ASB7: variants seen among roughly 807,000 people sequenced by gnomAD.
ASB7 encodes the protein ankyrin repeat and SOCS box containing 7.
In ASB7, 4 loss-of-function variants were observed where a neutral mutation model predicts 32.5. That is an observed-to-expected ratio of 0.12 (90% CI 0.06 to 0.28). The LOEUF (loss-of-function observed/expected upper bound fraction) is 0.28, where lower values mean the gene tolerates loss of function less well. Ranked by LOEUF, ASB7 falls within the 10% of genes least tolerant of loss-of-function variation. The probability of loss-of-function intolerance (pLI) is 1.00; values close to 1 mark genes in which losing one functional copy is unlikely to be tolerated. For missense variants in ASB7, 181 were observed against 407.1 expected (o/e 0.44, Z 4.78); for synonymous variants, 172 against 155.6 (o/e 1.11, Z -0.78).
rs749767312 is a variant in ASB7 at position 100,649,544 on chromosome 15, G to T, written c.*1082G>T. 1 of 152,046 alleles carries T rather than the reference G, an allele frequency of 6.6e-6. No individual in the cohort carries two copies. Among genetic ancestry groups the T allele is most frequent in the Non-Finnish European group, 1.5e-5 (1 of 68,006 alleles). 9.4% of individuals were successfully genotyped at this position (152,046 alleles called of 1,614,324 possible). A position where few individuals can be genotyped will look rare whatever the true frequency, so the allele number is the denominator to read the frequency against. Reference sequence around the variant, plus strand: ...AGTTTAAAAAAAAAACTTTTTAAGCGTAAAATCTTTAAGGGGTACACATTT... The same window carrying T: ...AGTTTAAAAAAAAAACTTTTTAAGCTTAAAATCTTTAAGGGGTACACATTT... On this transcript the variant is annotated 3_prime_UTR_variant, in exon 6 of 6. Transcript: ENST00000332783.
intron 4 of ASB7, among the ~76,000 whole-genome samples, chr15:100,620,911 C>G (rs2039786398): frequency 6.6e-6 from 1 of 152,136 alleles, no homozygotes; most frequent in Non-Finnish European, 1.5e-5. Flanking sequence ...TAAAGCAAAT[C>G]CCCAGAGGAA....
chr15:100,603,578 A>G (rs2039594920), intron 2 of ASB7, among the ~76,000 whole-genome samples: 2 of 152,094 alleles, frequency 1.3e-5, no homozygotes, highest in South Asian at 2.1e-4. Context: ...ACACTGTGCC[A>G]TTTACTCTGC....
chr15:100,614,452 C>T (rs1178833608), intron 4 of ASB7, among the ~76,000 whole-genome samples: 2 of 151,904 alleles, frequency 1.3e-5, no homozygotes, highest in Non-Finnish European at 2.9e-5. Flanking sequence ...CTGTAAAAGG[C>T]CAGATAGTAA....
At chr15:100,645,486 C>G (rs1265831123) in intron 5 of ASB7, 1 of 579,768 alleles carries the variant, frequency 1.7e-6, no homozygotes, top group African/African-American at 1.8e-5. Context: ...GGAAGGAGCC[C>G]TGTGTCTGTC....
intron 5 of ASB7, among the ~76,000 whole-genome samples, chr15:100,636,317 A>T (rs2039923130): frequency 1.3e-5 from 2 of 152,174 alleles, no homozygotes; most frequent in Admixed American, 1.3e-4. Flanking sequence ...AATGGGAGTG[A>T]TGATTTCCAA....
rs1196287445 is a variant in ASB7, at chr15:100,629,927, T to C, written c.702T>C (p.Tyr234=). 1.2e-6 allele frequency: 2 copies of C among 1,614,100 alleles called. No homozygotes were observed. The highest frequency in any genetic ancestry group is 1.7e-5 in the Admixed American group (1 of 60,012). ...ATGTGCTGTGTGCACGGATGTTATA[T>C]AATTACGGAGCAGACACGAACACAC... ...RDDVLCARML[Y]NYGADTNTRN... Residue 234 remains tyrosine (Y), a synonymous_variant, in exon 5 of 6, where the codon TAT becomes TAC. Coordinates refer to ENST00000332783, the MANE Select transcript of ASB7 (RefSeq NM_198243.3). This position sits in a 1 kb window ranked among gnomAD's most constrained non-coding sequence, Gnocchi z 6.8.
rs1174613297 is a variant in ASB7, at chr15:100,650,114, G to A, written c.*1652G>A. 1 of 152,282 alleles carries A rather than the reference G, an allele frequency of 6.6e-6. No individual in the cohort carries two copies. Among genetic ancestry groups the A allele is most frequent in the Non-Finnish European group, 1.5e-5 (1 of 68,110 alleles). 9.4% of individuals were successfully genotyped at this position (152,282 alleles called of 1,614,324 possible). A position where few individuals can be genotyped will look rare whatever the true frequency, so the allele number is the denominator to read the frequency against. ...CGAAGACGGGCAGCTTCAGAGAAGAGGATTATTCGGGAGATTGCTGGTGTG... is the reference window on the plus strand; with the variant it reads ...CGAAGACGGGCAGCTTCAGAGAAGAAGATTATTCGGGAGATTGCTGGTGTG... On this transcript the variant is annotated 3_prime_UTR_variant, in exon 6 of 6. Transcript: ENST00000332783.
intron 4 of ASB7, among the ~76,000 whole-genome samples, chr15:100,619,599 G>A (rs781698201): frequency 1.3e-4 from 20 of 152,166 alleles, no homozygotes; most frequent in Non-Finnish European, 2.6e-4. Flanking sequence ...TAATAAATGG[G>A]ACATAGGTGT....
At chr15:100,646,464 C>A in intron 5 of ASB7, 1 of 467,102 alleles carries the variant, frequency 2.1e-6, no homozygotes, top group Non-Finnish European at 4.4e-6. Flanking sequence ...TGACCAAGGG[C>A]ATTCACAGAA....
chr15:100,637,271 A>G (rs2039930785), intron 5 of ASB7, among the ~76,000 whole-genome samples: 3 of 152,204 alleles, frequency 2.0e-5, no homozygotes, highest in South Asian at 2.1e-4. Context: ...AGTCCTGGGT[A>G]TTTGGCAGAC....
intron 4 of ASB7, among the ~76,000 whole-genome samples, chr15:100,627,287 T>A (rs1443263944): frequency 6.6e-6 from 1 of 152,136 alleles, no homozygotes; most frequent in African/African-American, 2.4e-5. Flanking sequence ...TTAGATGAAA[T>A]GTTTAGGGAA....
chr15:100,648,159 G>T (rs1264714908), intron 5 of ASB7, among the ~76,000 whole-genome samples, 164 bp from the exon 6 acceptor site: 1 of 152,128 alleles, frequency 6.6e-6, no homozygotes, highest in Non-Finnish European at 1.5e-5. Context: ...ATCAAATAAG[G>T]CATCGCATGA....
At position 100,602,847 on chromosome 15, in the gene ASB7, C is replaced by A. The variant is rs532160843; in HGVS notation, c.-472C>A. 8.7e-4 allele frequency: 345 copies of A among 394,690 alleles called. 1 individual carries two copies. Among genetic ancestry groups the A allele is most frequent in the South Asian group, 7.9e-3 (56 of 7,060 alleles). The allele number at this position is 394,690 out of a possible 1,614,324, so 24.4% of individuals were successfully genotyped here. A position where few individuals can be genotyped will look rare whatever the true frequency, so the allele number is the denominator to read the frequency against. Reference sequence around the variant, plus strand: ...TCCTCCCTGCCTCCCTGCACCTCTGCCCCAAGGCTGCCCGGCGGCCGGGAT... The same window carrying A: ...TCCTCCCTGCCTCCCTGCACCTCTGACCCAAGGCTGCCCGGCGGCCGGGAT... On this transcript the variant is annotated 5_prime_UTR_variant, in exon 1 of 6. Transcript: ENST00000332783.
intron 4 of ASB7, among the ~76,000 whole-genome samples, chr15:100,618,480 C>T (rs536028403): frequency 1.4e-4 from 22 of 152,268 alleles, no homozygotes; most frequent in African/African-American, 4.6e-4. Flanking sequence ...CTGTTAGTAG[C>T]TCATTTTGTG....
intron 2 of ASB7, chr15:100,609,464 T>G (rs925866256): frequency 6.6e-6 from 1 of 152,234 alleles, no homozygotes; most frequent in African/African-American, 2.4e-5. Flanking sequence ...TTATTTTTTT[T>G]ATTTGCTCTT....
rs142749625 is a variant in ASB7, at chr15:100,640,728, C to CAAAT, written c.818-7592_818-7589dup. 5.1e-3 allele frequency among the ~76,000 whole-genome samples: 771 copies of CAAAT among 152,230 alleles called. 6 individuals are homozygous for CAAAT. Among genetic ancestry groups the CAAAT allele is most frequent in the African/African-American group, 0.016 (649 of 41,536 alleles). On this transcript the variant is annotated intron_variant, in intron 5 of 5. Transcript: ENST00000332783. ...CTTTATGAATCCAGGTATTTTTAAA[C>CAAAT]AAATAAGTTGATCCTATCATAAAAA... is the stretch of plus-strand genomic sequence containing the variant.
chr15:100,618,362 A>G, intron 4 of ASB7, among the ~76,000 whole-genome samples: 1 of 151,690 alleles, frequency 6.6e-6, no homozygotes, highest in East Asian at 1.9e-4. Flanking sequence ...TGATCTGCCC[A>G]CCTCAGCCTC....
chr15:100,617,884 A>G (rs1051241943), intron 4 of ASB7, among the ~76,000 whole-genome samples: 2 of 152,318 alleles, frequency 1.3e-5, no homozygotes, highest in South Asian at 2.1e-4. Flanking sequence ...GACAAGACCA[A>G]TCTTTTCTTT....
At position 100,629,493 on chromosome 15, in the gene ASB7, A is replaced by G; in HGVS notation, c.268A>G (p.Met90Val). Residue 90 changes from methionine (M) to valine (V), a missense_variant, in exon 5 of 6, where the codon ATG (methionine) becomes GTG (valine). Physicochemically the swap from Met to Val is conservative, Grantham distance 21 (BLOSUM62 1). Transcript: ENST00000332783. The surrounding 1 kb of genome is among the most constrained non-coding windows in gnomAD (Gnocchi z 6.8). ...GGFTALHYAA[M>V]HGRARIARLM... ...CTTCACGGCTCTTCACTATGCAGCCATGCATGGCCGGGCCCGCATTGCACG... is the reference window on the plus strand; with the variant it reads ...CTTCACGGCTCTTCACTATGCAGCCGTGCATGGCCGGGCCCGCATTGCACG... 1 of 1,614,110 alleles carries G rather than the reference A, an allele frequency of 6.2e-7. No individual in the cohort carries two copies. The highest frequency in any genetic ancestry group is 8.5e-7 in the Non-Finnish European group (1 of 1,179,902).
Sources: gnomAD v4.1 joint callset for allele counts (sites outside exome capture counted in the v4.1 genomes callset) on GRCh38, gnomAD v4.1.1 for gene constraint, Gnocchi (gnomAD v3.1) non-coding constraint, MANE v1.5 for transcripts, NCBI Gene and HGNC (gene_info 2026-07-23, HGNC 2026-07-21) for gene names.